Variants in TBC1D5 observed in about 807,000 individuals in gnomAD.
TBC1D5 encodes TBC1 domain family member 5, also known as TBC1 domain family, member 5.
A neutral mutation model predicts 100.3 loss-of-function variants in TBC1D5; 75 were observed. The observed-to-expected ratio is 0.75, with a 90% confidence interval of 0.62 to 0.91. The LOEUF (loss-of-function observed/expected upper bound fraction) is 0.91. TBC1D5 is among the 40% of genes least tolerant of loss of function. The pLI, the probability that TBC1D5 is intolerant of heterozygous loss-of-function variation, is 0.00. For missense variants in TBC1D5, 910 were observed against 942.4 expected (o/e 0.97, Z 0.45); for synonymous variants, 323 against 325.6 (o/e 0.99, Z 0.09).
chr3:17,683,102 A>C (rs1475569378), intron 1 of TBC1D5, among the ~76,000 whole-genome samples: 1 of 151,564 alleles, frequency 6.6e-6, no homozygotes, highest in Non-Finnish European at 1.5e-5. Flanking sequence ...TACATCTAAA[A>C]GTTTAGAATT....
chr3:17,164,886 TTC>T (rs1417127039), intron 21 of TBC1D5, among the ~76,000 whole-genome samples: 3 of 152,370 alleles, frequency 2.0e-5, no homozygotes, highest in South Asian at 2.1e-4. Flanking sequence ...AAAGCACTGC[TTC>T]TCTGTTTCTC....
intron 2 of TBC1D5, among the ~76,000 whole-genome samples, chr3:17,596,650 C>T (rs2060592308): frequency 7.4e-6 from 1 of 135,296 alleles, no homozygotes; most frequent in African/African-American, 2.8e-5. Context: ...GCGGAGGTTG[C>T]AGTGAGCAGA....
At chr3:17,651,843 G>A (rs1232936978) in intron 1 of TBC1D5, among the ~76,000 whole-genome samples, 1 of 152,144 alleles carries the variant, frequency 6.6e-6, no homozygotes, top group East Asian at 1.9e-4. Flanking sequence ...CCAAGCCAGT[G>A]AATATGCATA....
chr3:17,567,068 CT>C (rs1191216413), intron 2 of TBC1D5, among the ~76,000 whole-genome samples: 1 of 151,742 alleles, frequency 6.6e-6, no homozygotes, highest in Non-Finnish European at 1.5e-5. Flanking sequence ...TGACATTTTG[CT>C]TCCCTAACAT....
At chr3:17,526,315 TC>T (rs1409167308) in intron 2 of TBC1D5, among the ~76,000 whole-genome samples, 1 of 152,158 alleles carries the variant, frequency 6.6e-6, no homozygotes, top group Non-Finnish European at 1.5e-5. Context: ...ACTCCTAGAC[TC>T]AAGTAATCCT....
chr3:17,645,082 TTG>T (rs1389260721), intron 1 of TBC1D5, among the ~76,000 whole-genome samples: 1 of 152,104 alleles, frequency 6.6e-6, no homozygotes, highest in African/African-American at 2.4e-5. Flanking sequence ...GGTACCTAAT[TTG>T]TATCTGCATA....
chr3:17,646,685 C>A (rs2065048695), intron 1 of TBC1D5, among the ~76,000 whole-genome samples: 1 of 152,150 alleles, frequency 6.6e-6, no homozygotes, highest in Non-Finnish European at 1.5e-5. Flanking sequence ...TTCATTCACC[C>A]TTAGCAAGCG....
chr3:17,257,563 T>A (rs1469374879), intron 16 of TBC1D5, among the ~76,000 whole-genome samples: 1 of 152,170 alleles, frequency 6.6e-6, no homozygotes, highest in Non-Finnish European at 1.5e-5. Flanking sequence ...GCAAACAGAT[T>A]TCAATCAGAG....
intron 1 of TBC1D5, among the ~76,000 whole-genome samples, chr3:17,655,262 C>T (rs2153728420): frequency 7.4e-6 from 1 of 134,456 alleles, no homozygotes; most frequent in Admixed American, 9.0e-5. Flanking sequence ...ACAGTGAGAA[C>T]ACATGGACAC....
intron 15 of TBC1D5, among the ~76,000 whole-genome samples, chr3:17,271,913 A>G (rs1278172074): frequency 6.6e-6 from 1 of 152,184 alleles, no homozygotes; most frequent in Non-Finnish European, 1.5e-5. Flanking sequence ...CAAGACGACC[A>G]TCTGCAACCC....
intron 17 of TBC1D5, among the ~76,000 whole-genome samples, chr3:17,226,665 T>C (rs2074935912): frequency 6.6e-6 from 1 of 151,710 alleles, no homozygotes; most frequent in African/African-American, 2.4e-5. Flanking sequence ...CCCCAGAGGG[T>C]TCCAGCAGCA....
chr3:17,537,928 C>T (rs946563756), intron 2 of TBC1D5, among the ~76,000 whole-genome samples: 2 of 152,144 alleles, frequency 1.3e-5, no homozygotes, highest in South Asian at 2.1e-4. Flanking sequence ...GAGGTCCTGA[C>T]GACATGTGTC....
intron 14 of TBC1D5, among the ~76,000 whole-genome samples, chr3:17,305,578 T>C (rs1269071357): frequency 1.3e-5 from 2 of 152,188 alleles, no homozygotes; most frequent in African/African-American, 4.8e-5. Flanking sequence ...CATTTAACTT[T>C]ATTTTTCAAA....
At chr3:17,232,827 C>T (rs1214998361) in intron 17 of TBC1D5, among the ~76,000 whole-genome samples, 1 of 152,080 alleles carries the variant, frequency 6.6e-6, no homozygotes. Context: ...TATTTTAATA[C>T]TACTAGCATC....
intron 1 of TBC1D5, among the ~76,000 whole-genome samples, chr3:17,630,882 A>C (rs1388199986): frequency 2.7e-5 from 4 of 149,574 alleles, no homozygotes; most frequent in Non-Finnish European, 5.9e-5. Context: ...AAAAATACAA[A>C]AAAAAAAAAA....
chr3:17,157,393 G>A (rs979406440), exon 22 of TBC1D5: 10 of 152,224 alleles, frequency 6.6e-5, no homozygotes, highest in Admixed American at 3.3e-4. Flanking sequence ...CTGTTTATAC[G>A]AACTTTATAT....
intron 4 of TBC1D5, among the ~76,000 whole-genome samples, chr3:17,419,529 T>A (rs186323380): frequency 8.5e-5 from 13 of 152,328 alleles, no homozygotes; most frequent in African/African-American, 2.9e-4. Flanking sequence ...AATGCATTGC[T>A]GAAGAGTGGA....
intron 15 of TBC1D5, among the ~76,000 whole-genome samples, chr3:17,291,294 A>G (rs1194500704): frequency 2.0e-5 from 3 of 152,250 alleles, no homozygotes. Flanking sequence ...TTAGTTGTAA[A>G]AGAGCACACT....
intron 8 of TBC1D5, among the ~76,000 whole-genome samples, chr3:17,398,867 C>T (rs911028150): frequency 2.0e-5 from 3 of 151,578 alleles, no homozygotes; most frequent in African/African-American, 7.3e-5. Context: ...GACAGATGGA[C>T]CTAAATAAAT....
Sources: allele counts gnomAD v4.1 joint callset (sites outside exome capture counted in the v4.1 genomes callset), GRCh38; gene constraint gnomAD v4.1.1; transcripts MANE v1.5; gene names NCBI Gene and HGNC (gene_info 2026-07-23, HGNC 2026-07-21).